Variants in PRKCB observed in about 807,000 individuals in gnomAD.
The protein encoded by PRKCB is protein kinase C beta type.
A neutral mutation model predicts 81.5 loss-of-function variants in PRKCB; 13 were observed. That is an observed-to-expected ratio of 0.16 (90% CI 0.10 to 0.25). PRKCB has a LOEUF of 0.25. Ranked by LOEUF, PRKCB falls within the 10% of genes least tolerant of loss-of-function variation. PRKCB has a pLI of 1.00. For missense variants in PRKCB, 509 were observed against 875.7 expected, an observed-to-expected ratio of 0.58 and a Z score of 5.29; for synonymous variants, 335 against 321.4, an observed-to-expected ratio of 1.04 and a Z score of -0.45.
intron 8 of PRKCB, among the ~76,000 whole-genome samples, chr16:24,120,466 G>A (rs1966787146): frequency 6.6e-6 from 1 of 152,148 alleles, no homozygotes; most frequent in South Asian, 2.1e-4. Flanking sequence ...AAGCTGCTGT[G>A]GGGAAGAGGG....
intron 16 of PRKCB, among the ~76,000 whole-genome samples, chr16:24,198,180 G>A (rs1967906477): frequency 6.6e-6 from 1 of 152,194 alleles, no homozygotes; most frequent in Admixed American, 6.5e-5. Context: ...TTGCAGAAGT[G>A]GTAGTACATG....
intron 2 of PRKCB, among the ~76,000 whole-genome samples, chr16:23,968,464 TCGCCAGCAG>T (rs1964516124): frequency 6.6e-6 from 1 of 152,062 alleles, no homozygotes; most frequent in African/African-American, 2.4e-5. Flanking sequence ...AAGGAAGGCA[TCGCCAGCAG>T]GAACCATGGT....
chr16:24,039,866 C>T (rs1437311953), intron 5 of PRKCB, among the ~76,000 whole-genome samples: 2 of 152,200 alleles, frequency 1.3e-5, no homozygotes, highest in African/African-American at 4.8e-5. Context: ...CAGCCCCCTC[C>T]TCCTTGGTCT....
intron 9 of PRKCB, among the ~76,000 whole-genome samples, chr16:24,133,192 C>T (rs983777697): frequency 1.2e-4 from 19 of 152,004 alleles, no homozygotes; most frequent in Admixed American, 1.1e-3. Context: ...CAAAGGGAGA[C>T]CCCATCTCTA....
At chr16:23,852,008 GC>G (rs1339548120) in intron 2 of PRKCB, among the ~76,000 whole-genome samples, 1 of 152,158 alleles carries the variant, frequency 6.6e-6, no homozygotes, top group Non-Finnish European at 1.5e-5. Context: ...AGTTCTAACA[GC>G]TTTTTTAGTG....
chr16:23,951,251 C>T (rs1036138864), intron 2 of PRKCB, among the ~76,000 whole-genome samples: 25 of 152,148 alleles, frequency 1.6e-4, no homozygotes, highest in Admixed American at 1.4e-3. Flanking sequence ...TTTCAGCCCA[C>T]GTGGTTGCCA....
At chr16:24,157,394 A>T (rs931493459) in intron 10 of PRKCB, among the ~76,000 whole-genome samples, 1 of 152,200 alleles carries the variant, frequency 6.6e-6, no homozygotes, top group African/African-American at 2.4e-5. Flanking sequence ...GCTAGTTATG[A>T]TAGTGAGTGA....
chr16:24,205,130 T>C (rs1968024124), intron 16 of PRKCB, among the ~76,000 whole-genome samples: 1 of 148,242 alleles, frequency 6.7e-6, no homozygotes, highest in Non-Finnish European at 1.5e-5. Flanking sequence ...AAAAAAAAAA[T>C]TATTATTATA....
chr16:24,093,594 G>T (rs1459570033), intron 6 of PRKCB, among the ~76,000 whole-genome samples: 1 of 152,144 alleles, frequency 6.6e-6, no homozygotes, highest in Non-Finnish European at 1.5e-5. Flanking sequence ...GCAAATATGG[G>T]GTGGAGTGGG....
At chr16:24,169,812 T>A (rs1190816439) in intron 10 of PRKCB, among the ~76,000 whole-genome samples, 2 of 152,178 alleles carry the variant, frequency 1.3e-5, no homozygotes, top group African/African-American at 4.8e-5. Flanking sequence ...AGTCTCACTC[T>A]GTTGCCCAGG....
At chr16:23,987,401 T>G (rs368770891) in intron 2 of PRKCB, among the ~76,000 whole-genome samples, 32 of 127,052 alleles carry the variant, frequency 2.5e-4, no homozygotes, top group East Asian at 7.6e-4. Context: ...TTGGTTGGGG[T>G]GGGGGGGGGT....
intron 2 of PRKCB, among the ~76,000 whole-genome samples, chr16:23,939,698 T>C (rs992251240): frequency 1.3e-5 from 2 of 152,138 alleles, no homozygotes; most frequent in African/African-American, 4.8e-5. Context: ...ATACAAAAAT[T>C]AACTCAAAAT....
chr16:24,039,137 G>A (rs1414490184), intron 5 of PRKCB, among the ~76,000 whole-genome samples: 3 of 152,210 alleles, frequency 2.0e-5, no homozygotes, highest in East Asian at 3.9e-4. Context: ...GCCAGGAAGT[G>A]AGTCCTTACC....
chr16:24,182,489 C>A (rs1967641228), intron 13 of PRKCB, among the ~76,000 whole-genome samples: 1 of 152,034 alleles, frequency 6.6e-6, no homozygotes. Context: ...CCACTGCACC[C>A]CACCCTGGGC....
At chr16:23,904,958 G>A (rs921090323) in intron 2 of PRKCB, among the ~76,000 whole-genome samples, 9 of 151,658 alleles carry the variant, frequency 5.9e-5, no homozygotes, top group African/African-American at 2.2e-4. Flanking sequence ...GAAAAGGCCA[G>A]CTTTTAGCAT....
At chr16:24,053,615 G>A (rs542902226) in intron 5 of PRKCB, among the ~76,000 whole-genome samples, 47 of 152,180 alleles carry the variant, frequency 3.1e-4, no homozygotes, top group Non-Finnish European at 6.3e-4. Context: ...GACTGGACCT[G>A]CACATTTAGA....
chr16:23,918,829 T>C (rs1220806657), intron 2 of PRKCB, among the ~76,000 whole-genome samples: 3 of 152,116 alleles, frequency 2.0e-5, no homozygotes, highest in African/African-American at 7.2e-5. Context: ...AGAGAGGCTA[T>C]AAATGAAAAA....
At chr16:24,039,802 A>C (rs555754931) in intron 5 of PRKCB, among the ~76,000 whole-genome samples, 1 of 152,264 alleles carries the variant, frequency 6.6e-6, no homozygotes, top group East Asian at 1.9e-4. Context: ...CATCTGGCAC[A>C]CTCAAGTTTC....
intron 2 of PRKCB, among the ~76,000 whole-genome samples, chr16:23,936,936 T>C (rs1171292886): frequency 6.6e-6 from 1 of 152,148 alleles, no homozygotes; most frequent in African/African-American, 2.4e-5. Context: ...AGAGTATCTT[T>C]AGCGACGGGA....
Sources: allele counts gnomAD v4.1 joint callset (sites outside exome capture counted in the v4.1 genomes callset), GRCh38; gene constraint gnomAD v4.1.1; transcripts MANE v1.5; gene names NCBI Gene and HGNC (gene_info 2026-07-23, HGNC 2026-07-21).